Variants in MACF1 observed in about 807,000 individuals in gnomAD.
The protein encoded by MACF1 is microtubule-actin cross-linking factor 1.
MACF1 carries 193 observed loss-of-function variants against 854.8 expected under a neutral mutation model. The observed-to-expected ratio is 0.23, with a 90% confidence interval of 0.20 to 0.25. The LOEUF is 0.25. Ranked by LOEUF, MACF1 falls within the 10% of genes least tolerant of loss-of-function variation. MACF1 has a pLI of 1.00. For synonymous variants in MACF1, 3,185 were observed against 3,226.7 expected, an observed-to-expected ratio of 0.99 and a Z score of 0.44; for missense variants, 7,722 against 8,929.1, an observed-to-expected ratio of 0.86 and a Z score of 5.45.
At chr1:39,203,228 C>T (rs960153210), upstream of MACF1, among the ~76,000 whole-genome samples, 3 of 152,166 alleles carry the variant, frequency 2.0e-5, no homozygotes, top group African/African-American at 2.4e-5. Context: ...AACAGGGTCT[C>T]ACTTTGTCTC....
intron 2 of MACF1, among the ~76,000 whole-genome samples, chr1:39,191,803 A>G (rs1350855775): frequency 6.6e-6 from 1 of 152,152 alleles, no homozygotes. Flanking sequence ...GAGGGAATTC[A>G]TTACAACTCT....
At chr1:39,291,776 G>A in intron 15 of MACF1, 134 bp from the exon 16 acceptor site, 1 of 788,992 alleles carries the variant, frequency 1.3e-6, no homozygotes, top group South Asian at 2.0e-5. Context: ...AGAGGCTGTA[G>A]ATTGAAGGAG....
At chr1:39,417,712 AATT>A (rs1643370873) in intron 58 of MACF1, among the ~76,000 whole-genome samples, 1 of 68,488 alleles carries the variant, frequency 1.5e-5, no homozygotes, top group African/African-American at 4.9e-5. Flanking sequence ...ACACCCAGTT[AATT>A]TTTTTTTTTT....
Position 39,435,688 on chromosome 1 carries a change from T to C in MACF1, c.17915T>C (p.Met5972Thr), listed in dbSNP as rs768476800. The change falls in exon 70 of 101, where the codon ATG (methionine) becomes ACG (threonine). Residue 5972 changes from methionine to threonine, a missense_variant. Coordinates refer to ENST00000564288, the MANE Select transcript of MACF1 (RefSeq NM_001394062.1). ...GAAAAATACCAGAAAGCAGAAAACA[T>C]GTATGCCCAAATAAAGGAGGAGGTG... is the stretch of plus-strand genomic sequence containing the variant. ...VEEKYQKAENMYAQIKEEVRQ... is the reference protein window; with the variant it reads ...VEEKYQKAENTYAQIKEEVRQ... 21 of 1,613,952 alleles carry C rather than the reference T, an allele frequency of 1.3e-5. No homozygotes were observed. Among genetic ancestry groups the C allele is most frequent in the Admixed American group, 8.3e-5 (5 of 59,998 alleles).
chr1:39,133,350 A>G (rs1643060442), intron 2 of MACF1, among the ~76,000 whole-genome samples: 1 of 152,164 alleles, frequency 6.6e-6, no homozygotes, highest in Non-Finnish European at 1.5e-5. Flanking sequence ...GAGAGCAGAG[A>G]CCTGGAAGAG....
chr1:39,250,888 T>C (rs1029965511), intron 3 of MACF1, among the ~76,000 whole-genome samples: 1 of 152,208 alleles, frequency 6.6e-6, no homozygotes, highest in African/African-American at 2.4e-5. Flanking sequence ...GAGCAGGTGA[T>C]TCCATATGGT....
intron 43 of MACF1, 106 bp from the exon 44 acceptor site, chr1:39,352,901 A>ACATACAAAAGATAT: frequency 1.5e-6 from 1 of 664,674 alleles, no homozygotes; most frequent in Non-Finnish European, 2.6e-6. Context: ...ACCCAGTCTT[A>ACATACAAAAGATAT]GAATTAGCAT....
chr1:39,468,583 A>G, intron 95 of MACF1, 32 bp from the exon 96 acceptor site: 2 of 1,529,712 alleles, frequency 1.3e-6, no homozygotes, highest in Non-Finnish European at 1.8e-6. Flanking sequence ...TTTAAGACAT[A>G]TATATTAATT....
chr1:39,138,584 C>CA (rs1453502158), intron 2 of MACF1, among the ~76,000 whole-genome samples: 13 of 143,672 alleles, frequency 9.0e-5, no homozygotes, highest in South Asian at 6.6e-4. Flanking sequence ...GACTCTGTCT[C>CA]AAAAAAAAAG....
chr1:39,244,935 A>C (rs376620561), intron 2 of MACF1, among the ~76,000 whole-genome samples: 1 of 151,600 alleles, frequency 6.6e-6, no homozygotes. Context: ...GTGGTCTCCA[A>C]CTCCTGATCT....
chr1:39,281,857 T>G (rs916271438), intron 6 of MACF1, among the ~76,000 whole-genome samples: 7 of 152,238 alleles, frequency 4.6e-5, no homozygotes, highest in African/African-American at 1.7e-4. Context: ...TATCAAGTTG[T>G]ATGTATGTTT....
chr1:39,292,197 G>A (rs1251533694), intron 16 of MACF1, among the ~76,000 whole-genome samples, 159 bp downstream of exon 16: 1 of 152,188 alleles, frequency 6.6e-6, no homozygotes, highest in East Asian at 1.9e-4. Context: ...CACATGAAGT[G>A]TATCTGTTAA....
At chr1:39,102,929 G>T (rs1401109737) in intron 2 of MACF1, 1 of 701,774 alleles carries the variant, frequency 1.4e-6, no homozygotes, top group African/African-American at 1.7e-5. Flanking sequence ...CAGCCGCTTT[G>T]TTCCTCTAGC....
intron 97 of MACF1, among the ~76,000 whole-genome samples, chr1:39,475,708 C>T (rs1347439524): frequency 6.6e-6 from 1 of 152,062 alleles, no homozygotes; most frequent in South Asian, 2.1e-4. Context: ...ACGTTGGTGC[C>T]AGGGTTTTGG....
At chr1:39,458,729 G>A in intron 90 of MACF1, 1 of 535,054 alleles carries the variant, frequency 1.9e-6, no homozygotes, top group Non-Finnish European at 3.2e-6. Flanking sequence ...TTTAACAGTG[G>A]CCTTTCCATT....
chr1:39,126,626 A>T (rs982564929), intron 2 of MACF1, among the ~76,000 whole-genome samples: 1 of 152,050 alleles, frequency 6.6e-6, no homozygotes, highest in Non-Finnish European at 1.5e-5. Context: ...CTCTACTAAA[A>T]ATACAAAAAA....
intron 97 of MACF1, among the ~76,000 whole-genome samples, chr1:39,477,084 T>TACACACAC (rs1557675073): frequency 1.4e-3 from 18 of 12,794 alleles, no homozygotes; most frequent in African/African-American, 4.2e-3. Flanking sequence ...TATATATATA[T>TACACACAC]ATATATACAC....
At chr1:39,431,515 A>G (rs1305637158) in intron 66 of MACF1, among the ~76,000 whole-genome samples, 1 of 152,202 alleles carries the variant, frequency 6.6e-6, no homozygotes, top group Non-Finnish European at 1.5e-5. Context: ...TGCTTTTTGA[A>G]TCACACAGAA....
rs761190322 is a variant in MACF1 at position 39,379,305 on chromosome 1, A to T, written c.13379A>T (p.Asn4460Ile). Residue 4460 changes from asparagine (N) to isoleucine (I), a missense_variant, in exon 54 of 101, where the codon AAC (asparagine) becomes ATC (isoleucine). By Grantham distance (149) the Asn-to-Ile change is moderately radical. Around this residue, in one of 15 missense-constraint regions of MACF1, gnomAD observed 2,807 missense variants for 3,235.8 expected, o/e 0.87. Transcript: ENST00000564288. Reference sequence around the variant, plus strand: ...CAGGAAAGCCTTCAGGCTATCCTCAACAGAATGGAGGAGGTTCACAAGGAG... The same window carrying T: ...CAGGAAAGCCTTCAGGCTATCCTCATCAGAATGGAGGAGGTTCACAAGGAG... ...ERQESLQAIL[N>I]RMEEVHKEAN... 134 of 1,613,994 alleles carry T rather than the reference A, an allele frequency of 8.3e-5. No homozygotes were observed. Among genetic ancestry groups the T allele is most frequent in the Non-Finnish European group, 1.1e-4 (131 of 1,180,014 alleles).
Sources: allele counts gnomAD v4.1 joint callset (sites outside exome capture counted in the v4.1 genomes callset), GRCh38; gene constraint gnomAD v4.1.1; regional missense constraint gnomAD v4.1.1; transcripts MANE v1.5; gene names NCBI Gene and HGNC (gene_info 2026-07-23, HGNC 2026-07-21).